FCSK: variants seen among roughly 807,000 people sequenced by gnomAD.
The protein encoded by FCSK is fucose kinase, also known as L-fucose kinase.
Under a neutral mutation model 122.5 loss-of-function variants are expected in FCSK, and 123 were observed. The observed-to-expected ratio is 1.00, with a 90% confidence interval of 0.87 to 1.17. The LOEUF is 1.17. Ranked by LOEUF, FCSK falls within the 50% of genes most tolerant of loss-of-function variation. The probability of loss-of-function intolerance (pLI) is 0.00; values close to 1 mark genes in which losing one functional copy is unlikely to be tolerated. For missense variants in FCSK, 1,366 were observed against 1,450.4 expected (o/e 0.94, Z 0.95); for synonymous variants, 620 against 625.5 (o/e 0.99, Z 0.13).
chr16:70,472,958 G>T, intron 14 of FCSK, 25 bp from the exon 15 acceptor site: 1 of 1,584,876 alleles, frequency 6.3e-7, no homozygotes, highest in African/African-American at 1.4e-5. Context: ...TTCCCTCCTG[G>T]GAATGTGCCT....
chr16:70,465,885 G>A lies in FCSK; in HGVS notation c.286-247G>A, dbSNP rs1387748345. Among the ~76,000 whole-genome samples the A allele has an allele frequency of 7.2e-5, 11 of 152,054 alleles. No individual in the cohort carries two copies. In the East Asian group the frequency reaches 7.7e-4, roughly 11 times the overall value. On this transcript the variant is annotated intron_variant, in intron 4 of 23. Transcript: ENST00000288078. Reference sequence around the variant, plus strand: ...TGAGAATTGCTTGAACCCAGGAGGCGGAGGTTGCAGTGAGCCAAGATCGCA... The same window carrying A: ...TGAGAATTGCTTGAACCCAGGAGGCAGAGGTTGCAGTGAGCCAAGATCGCA...
intron 22 of FCSK, 34 bp from the exon 23 acceptor site, chr16:70,479,146 C>T: frequency 6.5e-7 from 1 of 1,530,922 alleles, no homozygotes; most frequent in Non-Finnish European, 9.0e-7. Flanking sequence ...AGTATCTTGG[C>T]CCAGGCACGT....
chr16:70,477,127 G>C (rs939531495), intron 20 of FCSK, among the ~76,000 whole-genome samples: 3 of 152,162 alleles, frequency 2.0e-5, no homozygotes, highest in African/African-American at 7.2e-5. Flanking sequence ...ACCCTTGCAG[G>C]CCCTTCCCTA....
At position 70,473,421 on chromosome 16, in the gene FCSK, C is replaced by T; in HGVS notation, c.1777+68C>T. On this transcript the variant is annotated intron_variant, in intron 15 of 23. Transcript: ENST00000288078. The surrounding 1 kb of genome is among the most constrained non-coding windows in gnomAD (Gnocchi z 4.9). The stretch of plus-strand genomic sequence containing the variant: ...CACCTGCCCTCCCTGTCCTCTGGGC[C>T]ATCCCCTGAGGGGACTAGGGGACCA... The T allele has an allele frequency of 1.4e-6, 2 of 1,427,492 alleles. No individual in the cohort carries two copies. Among genetic ancestry groups the T allele is most frequent in the Non-Finnish European group, 1.8e-6 (2 of 1,083,010 alleles). The allele number at this position is 1,427,492 out of a possible 1,614,324, so 88.4% of individuals were successfully genotyped here.
At position 70,471,295 on chromosome 16, in the gene FCSK, G is replaced by A; in HGVS notation, c.1284G>A (p.Arg428=). The A allele has an allele frequency of 6.2e-7, 1 of 1,604,848 alleles. No homozygotes were observed. Among genetic ancestry groups the A allele is most frequent in the South Asian group, 1.1e-5 (1 of 89,640 alleles). ...TTGTCCTGCAGGGACACCACACGCG[G>A]CTACACGGCTCCCCGGGCCACGCCT... ...RDLVLQGHHT[R]LHGSPGHAFT... The change falls in exon 13 of 24, where the codon CGG becomes CGA. Residue 428 remains arginine, a synonymous_variant. Transcript: ENST00000288078.
At chr16:70,463,116 T>C (rs1352868161) in intron 1 of FCSK, 53 bp from the exon 2 acceptor site, 2 of 1,018,880 alleles carry the variant, frequency 2.0e-6, no homozygotes, top group Non-Finnish European at 3.0e-6. Context: ...ATTAATTACT[T>C]TTAGTTATGA....
rs1300726337 is a variant in FCSK at position 70,474,595 on chromosome 16, G to A, written c.2056G>A (p.Val686Met). Reference sequence around the variant, plus strand: ...TGGTCAGATCCTGATCCGCCAGGCTGTGATGTCAGCCCAGCACTTTGTCTC... The same window carrying A: ...TGGTCAGATCCTGATCCGCCAGGCTATGATGTCAGCCCAGCACTTTGTCTC... ...GAGQILIRQA[V>M]MSAQHFVSTE... Residue 686 changes from valine to methionine, a missense_variant, in exon 17 of 24, where the codon GTG becomes ATG. Val to Met is a conservative substitution (Grantham distance 21). Transcript: ENST00000288078. 6.4e-7 allele frequency: 1 copy of A among 1,572,582 alleles called. No homozygotes were observed. The highest frequency in any genetic ancestry group is 1.2e-5 in the South Asian group (1 of 85,812).
intron 14 of FCSK, 140 bp from the exon 15 acceptor site, chr16:70,472,843 G>T: frequency 4.6e-6 from 5 of 1,084,092 alleles, no homozygotes; most frequent in Non-Finnish European, 6.5e-6. Context: ...CAGGCAGCCT[G>T]GCCCCCGACC....
chr16:70,469,460 C>T, intron 10 of FCSK, 137 bp downstream of exon 10: 1 of 711,142 alleles, frequency 1.4e-6, no homozygotes, highest in Non-Finnish European at 2.2e-6. Context: ...TGCCAGAGCC[C>T]CCCACTGAGC....
chr16:70,464,624 T>C (rs2048360628), intron 3 of FCSK, among the ~76,000 whole-genome samples: 1 of 147,608 alleles, frequency 6.8e-6, no homozygotes, highest in Non-Finnish European at 1.5e-5. Flanking sequence ...TGCAGTGAGC[T>C]GAGATCATGC....
At chr16:70,459,024 G>T (rs2048179759) in intron 1 of FCSK, among the ~76,000 whole-genome samples, 1 of 151,616 alleles carries the variant, frequency 6.6e-6, no homozygotes, top group Non-Finnish European at 1.5e-5. Context: ...ACCAGCTTGG[G>T]CAATGTGGCA....
chr16:70,455,339 G>A (rs1003726550), intron 1 of FCSK, among the ~76,000 whole-genome samples: 23 of 152,330 alleles, frequency 1.5e-4, no homozygotes, highest in African/African-American at 5.3e-4. Flanking sequence ...GTGGGTAGAG[G>A]CTGGGCGCCA....
In FCSK at chr16:70,466,173, C is replaced by T. The variant is rs762171797; in HGVS notation, c.327C>T (p.Thr109=). Residue 109 remains threonine (T), a synonymous_variant, in exon 5 of 24, where the codon ACC becomes ACT. Coordinates refer to ENST00000288078, the MANE Select transcript of FCSK (RefSeq NM_145059.3). ...TTGATGACTGTGGCAGGGCTTTCAC[C>T]TGCCTCCCCGTGGAGAACCCCGAGG... ...FPFDDCGRAF[T]CLPVENPEAP... 5 of 1,613,864 alleles carry T rather than the reference C, an allele frequency of 3.1e-6. No homozygotes were observed. In the Middle Eastern group the frequency reaches 6.6e-4, roughly 212 times the overall value.
In FCSK at chr16:70,466,769, A is replaced by T. The variant is rs1311881837; in HGVS notation, c.412-113A>T. 4.6e-6 allele frequency: 4 copies of T among 869,652 alleles called. No homozygotes were observed. In the East Asian group the frequency reaches 9.9e-5, roughly 22 times the overall value. 53.9% of individuals were successfully genotyped at this position (869,652 alleles called of 1,614,324 possible). ...CAGGTCAGAGAGTGGGTGGGGGCAGACCAGGTCTTGGAGGCCCTTGTTACT... is the reference window on the plus strand; with the variant it reads ...CAGGTCAGAGAGTGGGTGGGGGCAGTCCAGGTCTTGGAGGCCCTTGTTACT... On this transcript the variant is annotated intron_variant, in intron 5 of 23. Transcript: ENST00000288078.
At chr16:70,454,898 C>G (rs1233084340) in intron 1 of FCSK, 2 of 152,222 alleles carry the variant, frequency 1.3e-5, no homozygotes, top group Non-Finnish European at 2.9e-5. Context: ...GCAGCTGGGA[C>G]CGGGAGGGAT....
Position 70,462,684 on chromosome 16 carries a change from G to A in FCSK, c.-22-485G>A, listed in dbSNP as rs1000803512. ...TTTTGAGACGGAGTCTCCCTTTGTC[G>A]CCCAGGTTGGAGTGCAGTGGCGCGA... On this transcript the variant is annotated intron_variant, in intron 1 of 23. Coordinates refer to ENST00000288078, the MANE Select transcript of FCSK (RefSeq NM_145059.3). 1.8e-4 allele frequency among the ~76,000 whole-genome samples: 27 copies of A among 151,202 alleles called. 1 individual carries two copies. The highest frequency in any genetic ancestry group is 1.7e-4 in the African/African-American group (7 of 41,214).
intron 10 of FCSK, 76 bp downstream of exon 10, chr16:70,469,399 C>T: frequency 7.1e-7 from 1 of 1,408,954 alleles, no homozygotes; most frequent in Non-Finnish European, 9.5e-7. Flanking sequence ...CTGCTCACTG[C>T]ATGCTGGGCC....
intron 14 of FCSK, 116 bp downstream of exon 14, chr16:70,472,721 G>A (rs2048667997): frequency 1.1e-5 from 10 of 929,190 alleles, no homozygotes; most frequent in Admixed American, 2.8e-5. Flanking sequence ...CCATCCAGGG[G>A]CCTGGGTGGT....
rs370355630 is a variant in FCSK at position 70,468,947 on chromosome 16, C to T, written c.762C>T (p.Asp254=). Residue 254 remains aspartate, a synonymous_variant, in exon 9 of 24, where the codon GAC becomes GAT. Coordinates refer to ENST00000288078, the MANE Select transcript of FCSK (RefSeq NM_145059.3). ...PLDACTYLGL[D]SGARPVQLSL... ...ATGCCTGCACCTACCTAGGCTTGGA[C>T]TCCGGAGCCCGGCCTGTCCAGGTGA... 1.6e-5 allele frequency: 26 copies of T among 1,613,534 alleles called. No individual in the cohort carries two copies. Among genetic ancestry groups the T allele is most frequent in the African/African-American group, 2.7e-5 (2 of 74,940 alleles).
Sources: gnomAD v4.1 joint callset for allele counts (sites outside exome capture counted in the v4.1 genomes callset) on GRCh38, gnomAD v4.1.1 for gene constraint, Gnocchi (gnomAD v3.1) non-coding constraint, MANE v1.5 for transcripts, NCBI Gene and HGNC (gene_info 2026-07-23, HGNC 2026-07-21) for gene names.